ARHGAP15: variants seen among roughly 807,000 people sequenced by gnomAD.
ARHGAP15 encodes the protein Rho GTPase activating protein 15.
Under a neutral mutation model 63.7 loss-of-function variants are expected in ARHGAP15, and 51 were observed. The observed-to-expected ratio is 0.80, with a 90% confidence interval of 0.64 to 1.01. The LOEUF is 1.01. Among genes scored for constraint, ARHGAP15 ranks in the 50% least tolerant of loss-of-function variants. ARHGAP15 has a pLI of 0.00. For missense variants in ARHGAP15, 560 were observed against 564.6 expected, an observed-to-expected ratio of 0.99 and a Z score of 0.08; for synonymous variants, 191 against 193.8, an observed-to-expected ratio of 0.99 and a Z score of 0.12.
chr2:143,225,327 C>G lies in ARHGAP15; in HGVS notation c.297-3254C>G, dbSNP rs750271123. ...GATTTAAAAAAAAACAGCGGCCGGG[C>G]GCGGTGGCTCACTCCTGTAATCCCA... On this transcript the variant is annotated intron_variant, in intron 4 of 13. Coordinates refer to ENST00000295095, the MANE Select transcript of ARHGAP15 (RefSeq NM_018460.4). Among the ~76,000 whole-genome samples, 68 of 152,034 alleles carry G rather than the reference C, an allele frequency of 4.5e-4. 1 individual carries two copies. Among genetic ancestry groups the G allele is most frequent in the Admixed American group, 4.6e-4 (7 of 15,262 alleles).
intron 8 of ARHGAP15, among the ~76,000 whole-genome samples, chr2:143,473,361 G>A (rs897019900): frequency 2.0e-4 from 31 of 152,270 alleles, no homozygotes; most frequent in African/African-American, 7.5e-4. Context: ...CTGTGCCAGA[G>A]TGCAAACAGC....
intron 13 of ARHGAP15, among the ~76,000 whole-genome samples, chr2:143,763,170 T>G (rs1282831169): frequency 6.6e-6 from 1 of 151,928 alleles, no homozygotes; most frequent in African/African-American, 2.4e-5. Flanking sequence ...TAAAAAAAAA[T>G]AGGTAATAAT....
chr2:143,260,332 A>G (rs1369678651), intron 6 of ARHGAP15, among the ~76,000 whole-genome samples: 2 of 152,176 alleles, frequency 1.3e-5, no homozygotes, highest in African/African-American at 4.8e-5. Flanking sequence ...GTACGGTTTT[A>G]AGTTTCCAAT....
At chr2:143,187,798 C>G (rs1396300894) in intron 2 of ARHGAP15, among the ~76,000 whole-genome samples, 1 of 152,214 alleles carries the variant, frequency 6.6e-6, no homozygotes, top group Non-Finnish European at 1.5e-5. Flanking sequence ...TGGGTGAGAG[C>G]TCTCATTTAT....
chr2:143,164,782 T>C (rs1236771379), intron 2 of ARHGAP15, among the ~76,000 whole-genome samples: 3 of 151,990 alleles, frequency 2.0e-5, no homozygotes, highest in Non-Finnish European at 4.4e-5. Context: ...AGCAGCATGT[T>C]GCTTCCAGTA....
chr2:143,272,788 G>T (rs988235379), intron 6 of ARHGAP15, among the ~76,000 whole-genome samples: 1 of 152,076 alleles, frequency 6.6e-6, no homozygotes, highest in Non-Finnish European at 1.5e-5. Flanking sequence ...TACTACTAAG[G>T]CCTGACCTCT....
At chr2:143,495,091 T>A (rs1263711459) in intron 9 of ARHGAP15, among the ~76,000 whole-genome samples, 1 of 152,214 alleles carries the variant, frequency 6.6e-6, no homozygotes, top group Non-Finnish European at 1.5e-5. Flanking sequence ...TGAAATGATA[T>A]ATGCGAAAAT....
At chr2:143,438,689 A>G (rs1689725499) in intron 8 of ARHGAP15, among the ~76,000 whole-genome samples, 1 of 152,210 alleles carries the variant, frequency 6.6e-6, no homozygotes, top group Admixed American at 6.5e-5. Context: ...GAGGTATTTC[A>G]TTTAAAGAAT....
chr2:143,544,021 T>C (rs919051721), intron 10 of ARHGAP15, among the ~76,000 whole-genome samples: 1 of 152,180 alleles, frequency 6.6e-6, no homozygotes, highest in African/African-American at 2.4e-5. Flanking sequence ...CTTTTGCTTA[T>C]ACATTTCTTT....
intron 4 of ARHGAP15, among the ~76,000 whole-genome samples, chr2:143,227,505 G>A (rs1028598154): frequency 2.6e-5 from 4 of 152,134 alleles, no homozygotes; most frequent in Non-Finnish European, 5.9e-5. Flanking sequence ...TATCATAAGT[G>A]TTATGAGAGG....
In ARHGAP15 at chr2:143,729,957, TG is replaced by T. The variant is rs1483687726; in HGVS notation, c.1244+26437del. 2.6e-5 allele frequency among the ~76,000 whole-genome samples: 4 copies of T among 152,272 alleles called. No individual in the cohort carries two copies. The East Asian group carries it at 7.7e-4, about 29-fold the overall frequency. On this transcript the variant is annotated intron_variant, in intron 13 of 13. Coordinates refer to ENST00000295095, the MANE Select transcript of ARHGAP15 (RefSeq NM_018460.4). ...ATAAATAAGTATGTGTTCTAGAAAG[TG>T]GGGTAAGACCACAGAGGAGTCCTAA...
chr2:143,325,485 A>C (rs753701335), intron 6 of ARHGAP15, among the ~76,000 whole-genome samples: 1 of 152,152 alleles, frequency 6.6e-6, no homozygotes, highest in Non-Finnish European at 1.5e-5. Flanking sequence ...TTCTTCTTTC[A>C]CAATTCAATA....
intron 13 of ARHGAP15, among the ~76,000 whole-genome samples, chr2:143,721,781 G>A (rs1396135190): frequency 6.6e-6 from 1 of 152,058 alleles, no homozygotes; most frequent in Non-Finnish European, 1.5e-5. Context: ...CCGCCTCCCG[G>A]GTTCAAGCAA....
intron 13 of ARHGAP15, among the ~76,000 whole-genome samples, chr2:143,716,800 T>C (rs1188384660): frequency 6.6e-6 from 1 of 152,252 alleles, no homozygotes; most frequent in African/African-American, 2.4e-5. Flanking sequence ...CTGAGCCAAC[T>C]GTGATAGAGG....
Position 143,768,275 on chromosome 2 carries a change from C to G in ARHGAP15, c.*103C>G. 3.7e-6 allele frequency: 4 copies of G among 1,067,514 alleles called. No individual in the cohort carries two copies. The highest frequency in any genetic ancestry group is 5.3e-6 in the Non-Finnish European group (4 of 750,788). The allele number at this position is 1,067,514 out of a possible 1,614,324, so 66.1% of individuals were successfully genotyped here. On this transcript the variant is annotated 3_prime_UTR_variant, in exon 14 of 14. Coordinates refer to ENST00000295095, the MANE Select transcript of ARHGAP15 (RefSeq NM_018460.4). Reference sequence around the variant, plus strand: ...GAAATATTTTTTGCCTTTCAAGCGACAGATGCCTCATTTTGTGAAAACTTA... The same window carrying G: ...GAAATATTTTTTGCCTTTCAAGCGAGAGATGCCTCATTTTGTGAAAACTTA...
In ARHGAP15 at chr2:143,182,007, T is replaced by C. The variant is rs139123229; in HGVS notation, c.166-20127T>C. ...GCCCTGGCTGGGTGCAGTGGTGTGA[T>C]CTTGGCTCACTGAAACCCCTGCCTC... On this transcript the variant is annotated intron_variant, in intron 2 of 13. Transcript: ENST00000295095. 6.7e-4 allele frequency among the ~76,000 whole-genome samples: 102 copies of C among 151,358 alleles called. 1 individual carries two copies. The East Asian group carries it at 0.019, about 28-fold the overall frequency.
rs954184776 is a variant in ARHGAP15, at chr2:143,725,123, T to A, written c.1244+21599T>A. ...ATTGTTAATCCACATATGATAAGTG[T>A]TTTTGACCAGAGCATTTGCTTAATC... On this transcript the variant is annotated intron_variant, in intron 13 of 13. Transcript: ENST00000295095. Among the ~76,000 whole-genome samples the A allele has an allele frequency of 6.6e-5, 10 of 152,204 alleles. 1 individual carries two copies. The highest frequency in any genetic ancestry group is 3.2e-3 in the Middle Eastern group (1 of 316).
intron 6 of ARHGAP15, among the ~76,000 whole-genome samples, chr2:143,390,328 C>T (rs758889011): frequency 6.6e-6 from 1 of 152,206 alleles, no homozygotes; most frequent in Non-Finnish European, 1.5e-5. Context: ...TCAGCTGCTG[C>T]CTGATCCTAG....
At chr2:143,565,675 A>G (rs1179828251) in intron 11 of ARHGAP15, among the ~76,000 whole-genome samples, 1 of 152,218 alleles carries the variant, frequency 6.6e-6, no homozygotes, top group Admixed American at 6.5e-5. Flanking sequence ...TTTCTGTCTC[A>G]ACAAAACAAA....
Sources: allele counts gnomAD v4.1 joint callset (sites outside exome capture counted in the v4.1 genomes callset), GRCh38; gene constraint gnomAD v4.1.1; transcripts MANE v1.5; gene names NCBI Gene and HGNC (gene_info 2026-07-23, HGNC 2026-07-21).